The following PTK2B variants were observed in gnomAD, a reference collection of about 807,000 sequenced individuals.
The protein encoded by PTK2B is protein tyrosine kinase 2 beta, also known as protein-tyrosine kinase 2-beta.
PTK2B carries 71 observed loss-of-function variants against 142.9 expected under a neutral mutation model. The observed-to-expected ratio is 0.50, with a 90% CI of 0.41 to 0.61. The LOEUF (loss-of-function observed/expected upper bound fraction) is 0.61. PTK2B is among the 20% of genes least tolerant of loss of function. The probability of loss-of-function intolerance (pLI) is 0.00; values close to 1 mark genes in which losing one functional copy is unlikely to be tolerated. For missense variants in PTK2B, 1,105 were observed against 1,320.4 expected (o/e 0.84, Z 2.53); for synonymous variants, 519 against 503.4 (o/e 1.03, Z -0.42).
In PTK2B at chr8:27,397,638, G is replaced by A. The variant is rs777645428; in HGVS notation, c.54G>A (p.Arg18=). The A allele has an allele frequency of 1.8e-5, 29 of 1,614,106 alleles. No homozygotes were observed. The highest frequency in any genetic ancestry group is 4.2e-6 in the Non-Finnish European group (5 of 1,180,054). The part of the protein sequence containing the change: ...LSRVKLGTLR[R]PEGPAEPMVV... The stretch of plus-strand genomic sequence containing the variant: ...GAGTAAAGTTGGGCACGTTACGCCG[G>A]CCTGAAGGCCCTGCAGAGCCCATGG... The change falls in exon 2 of 31, where the codon CGG becomes CGA. Residue 18 remains arginine (R), a synonymous_variant. Coordinates refer to ENST00000346049, the MANE Select transcript of PTK2B (RefSeq NM_173176.3).
chr8:27,333,012 G>C (rs1044784115), intron 1 of PTK2B, among the ~76,000 whole-genome samples: 3 of 152,234 alleles, frequency 2.0e-5, no homozygotes, highest in Non-Finnish European at 4.4e-5. Flanking sequence ...CCATAAAAGA[G>C]GCACGAAGTG....
At chr8:27,416,804 A>C (rs1461011703) in intron 2 of PTK2B, among the ~76,000 whole-genome samples, 2 of 152,236 alleles carry the variant, frequency 1.3e-5, no homozygotes, top group African/African-American at 2.4e-5. Context: ...AAAGATTCAA[A>C]CAACCACTTT....
At position 27,404,056 on chromosome 8, in the gene PTK2B, C is replaced by T. The variant is rs529798875; in HGVS notation, c.204+6268C>T. Among the ~76,000 whole-genome samples, 52 of 152,086 alleles carry T rather than the reference C, an allele frequency of 3.4e-4. No individual in the cohort carries two copies. In the South Asian group the frequency reaches 0.011, roughly 32 times the overall value. ...TCTCATCCCCAGTTTCTATACATTGCCCAGGGATGACTATCCACAGTGCCC... is the reference window on the plus strand; with the variant it reads ...TCTCATCCCCAGTTTCTATACATTGTCCAGGGATGACTATCCACAGTGCCC... On this transcript the variant is annotated intron_variant, in intron 2 of 30. Transcript: ENST00000346049.
chr8:27,409,120 C>A (rs1012606509), intron 2 of PTK2B, among the ~76,000 whole-genome samples: 1 of 152,154 alleles, frequency 6.6e-6, no homozygotes, highest in African/African-American at 2.4e-5. Context: ...GATGACAGCC[C>A]ACCCGAATGA....
chr8:27,385,088 G>A (rs562000229), intron 1 of PTK2B, among the ~76,000 whole-genome samples: 1 of 152,296 alleles, frequency 6.6e-6, no homozygotes, highest in East Asian at 1.9e-4. Flanking sequence ...GTGGCCTTTG[G>A]GAAGTTACTC....
chr8:27,451,649 A>C (rs1330727306), intron 27 of PTK2B, 140 bp downstream of exon 27: 1 of 1,513,900 alleles, frequency 6.6e-7, no homozygotes, highest in Non-Finnish European at 8.9e-7. Context: ...AATTCAGAGC[A>C]TGTGGGGCAG....
At position 27,420,160 on chromosome 8, in the gene PTK2B, C is replaced by T. The variant is rs554710327; in HGVS notation, c.383+87C>T. The T allele has an allele frequency of 4.0e-5, 60 of 1,482,636 alleles. No individual in the cohort carries two copies. The South Asian group carries it at 6.2e-4, about 15-fold the overall frequency. 91.8% of individuals were successfully genotyped at this position (1,482,636 alleles called of 1,614,324 possible). On this transcript the variant is annotated intron_variant, in intron 3 of 30. Coordinates refer to ENST00000346049, the MANE Select transcript of PTK2B (RefSeq NM_173176.3). ...TGGGAGTTTCTCCCTTAGAGCACTCCCCTGCCTCAGAAACTTCTAGCAAAC... is the reference window on the plus strand; with the variant it reads ...TGGGAGTTTCTCCCTTAGAGCACTCTCCTGCCTCAGAAACTTCTAGCAAAC...
intron 1 of PTK2B, among the ~76,000 whole-genome samples, chr8:27,370,833 G>A (rs1185516899): frequency 2.0e-5 from 3 of 152,190 alleles, no homozygotes; most frequent in African/African-American, 7.2e-5. Flanking sequence ...GACTTCAGTG[G>A]GTTTCCTCTC....
At chr8:27,445,368 A>G (rs4733063) in intron 23 of PTK2B, among the ~76,000 whole-genome samples, 55,239 of 152,160 alleles carry the variant, frequency 0.36, 10,361 homozygotes, top group Middle Eastern at 0.48. Flanking sequence ...AGCTGTGATC[A>G]TACCACTGCA....
chr8:27,341,083 T>C (rs1804369673), intron 1 of PTK2B, among the ~76,000 whole-genome samples: 1 of 152,160 alleles, frequency 6.6e-6, no homozygotes, highest in African/African-American at 2.4e-5. Context: ...ATCGGGATGA[T>C]GACACACAGA....
At chr8:27,373,274 A>G (rs1253131554) in intron 1 of PTK2B, among the ~76,000 whole-genome samples, 2 of 152,210 alleles carry the variant, frequency 1.3e-5, no homozygotes, top group African/African-American at 4.8e-5. Flanking sequence ...TTCAAAGCAC[A>G]CATCAGACAT....
chr8:27,361,869 G>A (rs1208410422), intron 1 of PTK2B, among the ~76,000 whole-genome samples: 1 of 152,104 alleles, frequency 6.6e-6, no homozygotes, highest in Admixed American at 6.5e-5. Flanking sequence ...GCTCTTCACT[G>A]ATAACCCCGA....
At chr8:27,345,304 A>G (rs187114471) in intron 1 of PTK2B, among the ~76,000 whole-genome samples, 151 of 152,376 alleles carry the variant, frequency 9.9e-4, no homozygotes, top group African/African-American at 3.5e-3. Context: ...CTCATCTTCT[A>G]ACTGCAATGA....
In PTK2B at chr8:27,439,405, G is replaced by A. The variant is rs752883993; in HGVS notation, c.1834+7G>A. On this transcript the variant is annotated splice_region_variant and intron_variant, in intron 20 of 30. Transcript: ENST00000346049. ...AGTGACGTCTGGATGTTCGGTGAGT[G>A]CTGATTTGGGAGGGCATGAAAAGGT... 1.2e-6 allele frequency: 2 copies of A among 1,610,434 alleles called. No individual in the cohort carries two copies.
At chr8:27,408,623 C>T (rs986202905) in intron 2 of PTK2B, among the ~76,000 whole-genome samples, 13 of 152,112 alleles carry the variant, frequency 8.5e-5, no homozygotes, top group African/African-American at 2.9e-4. Flanking sequence ...TTCAGTGAAC[C>T]TTTAGGAAGC....
chr8:27,438,937 T>C, intron 18 of PTK2B, 94 bp from the exon 19 acceptor site: 1 of 1,190,690 alleles, frequency 8.4e-7, no homozygotes, highest in South Asian at 1.3e-5. Flanking sequence ...GCTTAGATTC[T>C]TGGTCTCTTT....
chr8:27,397,937 G>C (rs1347599172), intron 2 of PTK2B, 149 bp downstream of exon 2: 5 of 938,422 alleles, frequency 5.3e-6, no homozygotes, highest in Non-Finnish European at 8.1e-6. Flanking sequence ...TGCTCAGCCT[G>C]CATCACCAGG....
chr8:27,354,257 C>T (rs565938346), intron 1 of PTK2B, among the ~76,000 whole-genome samples: 5 of 152,128 alleles, frequency 3.3e-5, no homozygotes, highest in South Asian at 2.1e-4. Flanking sequence ...TGGCTAAGAT[C>T]GTGTGTCCAT....
chr8:27,431,266 A>C, intron 8 of PTK2B, 132 bp from the exon 9 acceptor site: 1 of 1,546,014 alleles, frequency 6.5e-7, no homozygotes, highest in Non-Finnish European at 8.7e-7. Flanking sequence ...CCATATGGCC[A>C]GGGTTTCGGT....
Sources: gnomAD v4.1 joint callset for allele counts (sites outside exome capture counted in the v4.1 genomes callset) on GRCh38, gnomAD v4.1.1 for gene constraint, MANE v1.5 for transcripts, NCBI Gene and HGNC (gene_info 2026-07-23, HGNC 2026-07-21) for gene names.